Variants in TPX2 observed in about 807,000 individuals in gnomAD.
TPX2 encodes TPX2 microtubule nucleation factor.
Under a neutral mutation model 93.6 loss-of-function variants are expected in TPX2, and 21 were observed. The ratio of observed to expected loss-of-function variants is 0.22; its 90% confidence interval spans 0.16 to 0.32. TPX2 has a LOEUF of 0.32. Among genes scored for constraint, TPX2 ranks in the 10% least tolerant of loss-of-function variants. The probability of loss-of-function intolerance (pLI) is 1.00; values close to 1 mark genes in which losing one functional copy is unlikely to be tolerated. For missense variants in TPX2, 776 were observed against 871.1 expected, an observed-to-expected ratio of 0.89 and a Z score of 1.37; for synonymous variants, 281 against 298.3, an observed-to-expected ratio of 0.94 and a Z score of 0.60.
intron 4 of TPX2, among the ~76,000 whole-genome samples, chr20:31,766,234 A>AT (rs888391792): frequency 1.1e-4 from 16 of 151,620 alleles, no homozygotes; most frequent in African/African-American, 3.6e-4. Flanking sequence ...TTTGTAAGTG[A>AT]TTTTTTTTCT....
chr20:31,800,745 TG>T (rs2062165668), intron 17 of TPX2, among the ~76,000 whole-genome samples: 2 of 152,310 alleles, frequency 1.3e-5, no homozygotes, highest in Middle Eastern at 3.4e-3. Context: ...AAAGGAAAGC[TG>T]GGGGACCCAA....
chr20:31,783,942 G>A (rs889155962), intron 12 of TPX2, 21 bp downstream of exon 12: 1 of 1,612,292 alleles, frequency 6.2e-7, no homozygotes, highest in South Asian at 1.1e-5. Flanking sequence ...GGCTATGTGT[G>A]CTGGCAGAAG....
chr20:31,787,668 G>A (rs758643804), intron 12 of TPX2, among the ~76,000 whole-genome samples: 6 of 152,246 alleles, frequency 3.9e-5, no homozygotes, highest in Non-Finnish European at 8.8e-5. Context: ...TAGGTAAGAG[G>A]CAAATGGTTG....
intron 4 of TPX2, 103 bp downstream of exon 4, chr20:31,760,282 T>G: frequency 1.4e-6 from 2 of 1,442,458 alleles, no homozygotes; most frequent in Non-Finnish European, 1.9e-6. Context: ...ATCTCTTTGT[T>G]TATTATTGGT....
At chr20:31,739,880 G>A (rs554386056) in intron 1 of TPX2, among the ~76,000 whole-genome samples, 1 of 152,292 alleles carries the variant, frequency 6.6e-6, no homozygotes, top group South Asian at 2.1e-4. Flanking sequence ...AACAGAGGTA[G>A]TCACAAATAA....
At chr20:31,762,496 C>T (rs6060931) in intron 4 of TPX2, among the ~76,000 whole-genome samples, 56,293 of 151,778 alleles carry the variant, frequency 0.37, 12,572 homozygotes, top group African/African-American at 0.61. Context: ...ACTACAGGCG[C>T]GCACCACCAC....
chr20:31,749,936 A>G (rs1052316412), intron 2 of TPX2, among the ~76,000 whole-genome samples: 120 of 151,966 alleles, frequency 7.9e-4, no homozygotes, highest in African/African-American at 2.7e-3. Context: ...AATTTTTTAA[A>G]TTAATTATTA....
At chr20:31,747,024 G>A (rs1255610812) in intron 2 of TPX2, among the ~76,000 whole-genome samples, 2 of 152,080 alleles carry the variant, frequency 1.3e-5, no homozygotes, top group Admixed American at 1.3e-4. Flanking sequence ...CACTTCCAGA[G>A]CGCTCTCTGT....
At chr20:31,772,388 C>G (rs370653561) in intron 7 of TPX2, among the ~76,000 whole-genome samples, 23 of 152,246 alleles carry the variant, frequency 1.5e-4, no homozygotes, top group African/African-American at 5.5e-4. Context: ...CTCTCAAACT[C>G]CTGGCCTCAA....
At chr20:31,784,245 T>C (rs2062051567) in intron 12 of TPX2, among the ~76,000 whole-genome samples, 3 of 152,246 alleles carry the variant, frequency 2.0e-5, no homozygotes, top group African/African-American at 7.2e-5. Flanking sequence ...GACCTGAGCC[T>C]TGACGATGTA....
At chr20:31,743,972 C>T (rs2061768502) in intron 2 of TPX2, among the ~76,000 whole-genome samples, 1 of 151,842 alleles carries the variant, frequency 6.6e-6, no homozygotes, top group African/African-American at 2.4e-5. Context: ...CTGCCCGCCT[C>T]TGCCTCCCAA....
intron 2 of TPX2, among the ~76,000 whole-genome samples, chr20:31,756,935 A>G (rs2061856031): frequency 6.6e-6 from 1 of 151,578 alleles, no homozygotes; most frequent in African/African-American, 2.4e-5. Flanking sequence ...CCTAAAATTT[A>G]TTTTTAATTT....
intron 6 of TPX2, among the ~76,000 whole-genome samples, chr20:31,770,941 CTG>C (rs2061961688): frequency 7.3e-6 from 1 of 136,542 alleles, no homozygotes; most frequent in South Asian, 2.3e-4. Flanking sequence ...AGATGCTGCT[CTG>C]TGTTTCTTAG....
At chr20:31,794,790 G>GTA (rs1192077184) in intron 15 of TPX2, among the ~76,000 whole-genome samples, 34 of 150,460 alleles carry the variant, frequency 2.3e-4, no homozygotes, top group African/African-American at 8.1e-4. Flanking sequence ...GTGTGTGTGT[G>GTA]TATGTGTGTG....
intron 12 of TPX2, among the ~76,000 whole-genome samples, chr20:31,786,402 T>TTTTTTTTTGTTTG (rs1555787865): frequency 4.5e-5 from 5 of 111,506 alleles, no homozygotes; most frequent in African/African-American, 1.7e-4. Context: ...GAACTACTGT[T>TTTTTTTTTGTTTG]TTTTTTTTTT....
chr20:31,748,676 A>G (rs1181387830), intron 2 of TPX2, among the ~76,000 whole-genome samples: 1 of 152,186 alleles, frequency 6.6e-6, no homozygotes, highest in Non-Finnish European at 1.5e-5. Flanking sequence ...GGAATCCTGC[A>G]GACTTGTTCT....
chr20:31,755,752 C>A (rs531101960), intron 2 of TPX2, among the ~76,000 whole-genome samples: 306 of 150,702 alleles, frequency 2.0e-3, no homozygotes, highest in African/African-American at 7.2e-3. Context: ...CAGAGTGAGA[C>A]TCCGTCTCAA....
At chr20:31,764,066 T>C (rs11698375) in intron 4 of TPX2, among the ~76,000 whole-genome samples, 63 of 151,372 alleles carry the variant, frequency 4.2e-4, no homozygotes, top group Non-Finnish European at 6.2e-4. Flanking sequence ...CATACACACA[T>C]ATATATACAC....
chr20:31,754,900 A>G (rs371761996), intron 2 of TPX2, among the ~76,000 whole-genome samples: 1 of 152,122 alleles, frequency 6.6e-6, no homozygotes, highest in African/African-American at 2.4e-5. Flanking sequence ...AATAGTTTGT[A>G]TATATATGAG....
Sources: allele counts gnomAD v4.1 joint callset (sites outside exome capture counted in the v4.1 genomes callset), GRCh38; gene constraint gnomAD v4.1.1; transcripts MANE v1.5; gene names NCBI Gene and HGNC (gene_info 2026-07-23, HGNC 2026-07-21).